CSMD1: variants seen among roughly 807,000 people sequenced by gnomAD.
CSMD1 encodes the protein CUB and Sushi multiple domains 1.
CSMD1 carries 213 observed loss-of-function variants against 417.5 expected under a neutral mutation model. The observed-to-expected ratio is 0.51, with a 90% CI of 0.46 to 0.57. CSMD1 has a LOEUF of 0.57. CSMD1 is among the 20% of genes least tolerant of loss of function. CSMD1 has a pLI of 0.00. For synonymous variants in CSMD1, 2,862 were observed against 1,736.8 expected (o/e 1.65, Z -16.11); for missense variants, 6,923 against 4,529.7 (o/e 1.53, Z -15.17).
chr8:3,659,591 A>C (rs978627018), intron 7 of CSMD1, among the ~76,000 whole-genome samples: 1 of 152,114 alleles, frequency 6.6e-6, no homozygotes, highest in Non-Finnish European at 1.5e-5. Context: ...TTCAACTGTG[A>C]ATTGGTCCCT....
chr8:4,332,424 T>C (rs542174625), intron 3 of CSMD1, among the ~76,000 whole-genome samples: 1 of 152,246 alleles, frequency 6.6e-6, no homozygotes, highest in East Asian at 1.9e-4. Flanking sequence ...TCTAGGCACC[T>C]GTGAGTAAGC....
intron 52 of CSMD1, among the ~76,000 whole-genome samples, chr8:3,009,578 A>G (rs1808223203): frequency 6.6e-6 from 1 of 152,330 alleles, no homozygotes; most frequent in Middle Eastern, 3.4e-3. Flanking sequence ...AGTACACTTC[A>G]ACGGACATAT....
chr8:4,969,474 A>T (rs867008211), intron 1 of CSMD1, among the ~76,000 whole-genome samples: 4 of 151,430 alleles, frequency 2.6e-5, no homozygotes, highest in Non-Finnish European at 2.9e-5. Flanking sequence ...ATATTCATTC[A>T]TTCTCTCTCT....
chr8:4,032,032 G>A lies in CSMD1; in HGVS notation c.483C>T (p.Phe161=), dbSNP rs777606781. 2.5e-6 allele frequency: 4 copies of A among 1,613,910 alleles called. No homozygotes were observed. The highest frequency in any genetic ancestry group is 1.3e-5 in the African/African-American group (1 of 75,012). ...ILKGVLHGTR[F]NIGDKIRYSC... ...TGTACCGGATTTTGTCTCCTATGTTGAATCTCGTTCCATGCAGAACTCCTT... is the reference window on the plus strand; with the variant it reads ...TGTACCGGATTTTGTCTCCTATGTTAAATCTCGTTCCATGCAGAACTCCTT... The change falls in exon 4 of 70, where the codon TTC becomes TTT. Residue 161 remains phenylalanine, a synonymous_variant. Coordinates refer to ENST00000635120, the MANE Select transcript of CSMD1 (RefSeq NM_033225.6).
At chr8:3,387,376 G>A in intron 18 of CSMD1, 118 bp downstream of exon 18, 2 of 738,278 alleles carry the variant, frequency 2.7e-6, no homozygotes, top group Non-Finnish European at 4.4e-6. Context: ...TTCTCAGAGG[G>A]AACTCACGCC....
intron 26 of CSMD1, among the ~76,000 whole-genome samples, chr8:3,281,347 G>A (rs1037780326): frequency 6.6e-6 from 1 of 152,134 alleles, no homozygotes; most frequent in East Asian, 1.9e-4. Context: ...GGGAGGCTGA[G>A]GCAGGAGAAT....
At chr8:4,844,226 T>C (rs1801005938) in intron 1 of CSMD1, among the ~76,000 whole-genome samples, 2 of 152,314 alleles carry the variant, frequency 1.3e-5, no homozygotes, top group East Asian at 1.9e-4. Context: ...TAATTTCAAG[T>C]AGTAAGGTTA....
intron 3 of CSMD1, among the ~76,000 whole-genome samples, chr8:4,237,402 C>A (rs755851812): frequency 6.6e-6 from 1 of 152,042 alleles, no homozygotes; most frequent in Non-Finnish European, 1.5e-5. Context: ...GGTATTGATA[C>A]ACACCCAGGC....
At chr8:3,958,802 T>C (rs1812137557) in intron 5 of CSMD1, among the ~76,000 whole-genome samples, 1 of 152,218 alleles carries the variant, frequency 6.6e-6, no homozygotes, top group Non-Finnish European at 1.5e-5. Context: ...TGGCTTTATC[T>C]ATGATACACA....
chr8:3,938,558 C>T (rs1013818972), intron 5 of CSMD1, among the ~76,000 whole-genome samples: 7 of 152,136 alleles, frequency 4.6e-5, no homozygotes, highest in African/African-American at 1.4e-4. Context: ...ACCGATGCTA[C>T]CAATGCATCT....
At chr8:4,168,012 C>T (rs1352692582) in intron 3 of CSMD1, among the ~76,000 whole-genome samples, 1 of 151,816 alleles carries the variant, frequency 6.6e-6, no homozygotes, top group Non-Finnish European at 1.5e-5. Context: ...TCCTGTAATC[C>T]CAGCTAATCA....
chr8:3,791,967 C>G (rs1041137515), intron 5 of CSMD1, among the ~76,000 whole-genome samples: 1 of 152,116 alleles, frequency 6.6e-6, no homozygotes, highest in African/African-American at 2.4e-5. Flanking sequence ...CCTTCAGACA[C>G]ATCACTTCCT....
intron 1 of CSMD1, among the ~76,000 whole-genome samples, chr8:4,776,843 G>C (rs187929852): frequency 1.6e-3 from 241 of 152,210 alleles, no homozygotes; most frequent in African/African-American, 5.5e-3. Flanking sequence ...TCTGATTCTG[G>C]AGCTTCCATA....
At chr8:4,970,722 A>T (rs1266040744) in intron 1 of CSMD1, among the ~76,000 whole-genome samples, 1 of 152,164 alleles carries the variant, frequency 6.6e-6, no homozygotes, top group Non-Finnish European at 1.5e-5. Context: ...GTGGATTCTG[A>T]AAGAGCAAGT....
At chr8:4,858,215 A>C (rs7832458) in intron 1 of CSMD1, among the ~76,000 whole-genome samples, 60,401 of 140,676 alleles carry the variant, frequency 0.43, 13,232 homozygotes, top group Non-Finnish European at 0.48. Flanking sequence ...AATTCAACAA[A>C]CCTTCATGCT....
At chr8:3,491,381 G>T (rs1249972985) in intron 11 of CSMD1, among the ~76,000 whole-genome samples, 1 of 152,132 alleles carries the variant, frequency 6.6e-6, no homozygotes, top group South Asian at 2.1e-4. Flanking sequence ...TTATAGTAAA[G>T]ATCAAATAAG....
chr8:3,262,544 AAAAAAG>A (rs1256281639), intron 26 of CSMD1, among the ~76,000 whole-genome samples: 8 of 152,042 alleles, frequency 5.3e-5, no homozygotes, highest in Non-Finnish European at 1.0e-4. Flanking sequence ...CAAATGAAAA[AAAAAAG>A]AAAAAGAAAA....
At chr8:3,792,042 C>A (rs1015499661) in intron 5 of CSMD1, among the ~76,000 whole-genome samples, 1 of 152,142 alleles carries the variant, frequency 6.6e-6, no homozygotes, top group African/African-American at 2.4e-5. Context: ...TTAACTTGGG[C>A]AACCTCAAAG....
At chr8:4,184,662 T>C (rs1195691072) in intron 3 of CSMD1, among the ~76,000 whole-genome samples, 2 of 151,692 alleles carry the variant, frequency 1.3e-5, no homozygotes, top group Admixed American at 1.3e-4. Context: ...GGAAGACAGA[T>C]GGACACAAAG....
Sources: allele counts gnomAD v4.1 joint callset (sites outside exome capture counted in the v4.1 genomes callset), GRCh38; gene constraint gnomAD v4.1.1; transcripts MANE v1.5; gene names NCBI Gene and HGNC (gene_info 2026-07-23, HGNC 2026-07-21).